The following GOLGA6L26 variants were observed in gnomAD, a reference collection of about 807,000 sequenced individuals.
The protein encoded by GOLGA6L26 is golgin A6 family like 26, also known as golgin subfamily A member 6-like protein 26.
At chr15:23,334,035 A>C in the GOLGA6L26 span, 5 of 375,120 alleles carry the variant, frequency 1.3e-5, no homozygotes, top group South Asian at 1.0e-4. Flanking sequence ...GGCCTCGGCC[A>C]ATTTGCTCTG....
At chr15:23,327,722 C>T in the GOLGA6L26 span, 4 of 68,316 alleles carry the variant, frequency 5.9e-5, no homozygotes, top group African/African-American at 6.6e-4. Context: ...CTCCTGCTCG[C>T]GTATCTTCTC....
At chr15:23,329,247 GC>G in the GOLGA6L26 span, 8 of 550,390 alleles carry the variant, frequency 1.5e-5, no homozygotes, top group East Asian at 3.5e-5. Context: ...CATGCTAAGG[GC>G]CCCCAGACCT....
the GOLGA6L26 span, chr15:23,329,403 GA>G: frequency 3.3e-4 from 118 of 356,130 alleles, 3 homozygotes; most frequent in Admixed American, 3.6e-3. Flanking sequence ...GGACGACCAG[GA>G]ACAACTGCTA....
the GOLGA6L26 span, chr15:23,327,078 T>A: frequency 3.8e-6 from 1 of 262,600 alleles, no homozygotes; most frequent in Non-Finnish European, 6.8e-6. Context: ...TCCCACATCT[T>A]CTCTTCCTGT....
chr15:23,327,238 C>G, the GOLGA6L26 span: 4 of 329,912 alleles, frequency 1.2e-5, no homozygotes, highest in Non-Finnish European at 2.1e-5. Flanking sequence ...CCTGTTCTTG[C>G]ATCTTCTCTT....
At chr15:23,327,326 T>C in the GOLGA6L26 span, 1 of 963,482 alleles carries the variant, frequency 1.0e-6, no homozygotes, top group East Asian at 2.7e-5. Context: ...CTCCCGTATC[T>C]TCTCCTCCTG....
At chr15:23,327,845 A>G in the GOLGA6L26 span, 1 of 21,118 alleles carries the variant, frequency 4.7e-5, no homozygotes, top group South Asian at 3.4e-4. Context: ...CAGCCTCCGC[A>G]TCTTCTCCTC....
chr15:23,327,692 G>A, the GOLGA6L26 span: 4 of 55,160 alleles, frequency 7.3e-5, no homozygotes, highest in East Asian at 5.7e-4. Flanking sequence ...CCACATCTTC[G>A]CCTCCTGCTC....
At chr15:23,328,515 TCAAA>T in the GOLGA6L26 span, among the ~76,000 whole-genome samples, 1 of 48,920 alleles carries the variant, frequency 2.0e-5, no homozygotes, top group African/African-American at 7.3e-5. Flanking sequence ...AGACTACTTC[TCAAA>T]TAAATAAATA....
chr15:23,333,489 TG>T, the GOLGA6L26 span, among the ~76,000 whole-genome samples: 5 of 50,472 alleles, frequency 9.9e-5, no homozygotes, highest in African/African-American at 3.5e-4. Context: ...GTGGAGTGGT[TG>T]GGGGGGACAC....
At chr15:23,326,952 TCTC>T in the GOLGA6L26 span, 2 of 258,930 alleles carry the variant, frequency 7.7e-6, no homozygotes, top group Non-Finnish European at 1.4e-5. Context: ...TCCTGCATCT[TCTC>T]CTCCTGCTGC....
At chr15:23,327,420 G>A in the GOLGA6L26 span, 6 of 467,338 alleles carry the variant, frequency 1.3e-5, 1 homozygote, top group Non-Finnish European at 2.2e-5. Context: ...TTCTCCTCCT[G>A]GTCGTGCATC....
chr15:23,327,480 G>T, the GOLGA6L26 span: 5 of 300,812 alleles, frequency 1.7e-5, 1 homozygote, highest in Non-Finnish European at 2.3e-5. Context: ...ATCTTCTCCT[G>T]CTCGTGCATC....
chr15:23,327,378 GC>G, the GOLGA6L26 span: 21 of 665,970 alleles, frequency 3.2e-5, 1 homozygote, highest in Middle Eastern at 4.1e-4. Flanking sequence ...TTCTCCTCCT[GC>G]CTCCACATCT....
the GOLGA6L26 span, chr15:23,326,986 C>A: frequency 3.6e-6 from 1 of 281,510 alleles, no homozygotes; most frequent in Non-Finnish European, 6.3e-6. Flanking sequence ...CTTCCTGCTC[C>A]CACATCTTCT....
At chr15:23,328,074 C>T in the GOLGA6L26 span, 1 of 2,068 alleles carries the variant, frequency 4.8e-4, no homozygotes, top group Non-Finnish European at 1.1e-3. Flanking sequence ...TTCCACAACT[C>T]GTTCTCTTCC....
chr15:23,333,956 TGGCAGCAGTTCGGCTGTCAGAGGG>T, the GOLGA6L26 span: 1 of 91,648 alleles, frequency 1.1e-5, no homozygotes, highest in South Asian at 4.0e-5. Context: ...GCACAGACTC[TGGCAGCAGTTCGGCTGTCAGAGGG>T]GGCCTCGGGT....
the GOLGA6L26 span, chr15:23,327,363 T>G: frequency 0.012 from 7,083 of 580,946 alleles, 972 homozygotes; most frequent in South Asian, 0.031. Flanking sequence ...TCCTGCTCCC[T>G]TATCTTCTCC....
chr15:23,327,354 C>T, the GOLGA6L26 span: 77 of 894,996 alleles, frequency 8.6e-5, 1 homozygote, highest in East Asian at 7.3e-4. Context: ...ATCTTCTCCT[C>T]CTGCTCCCTT....
Sources: allele counts gnomAD v4.1 joint callset (sites outside exome capture counted in the v4.1 genomes callset), GRCh38; gene constraint gnomAD v4.1.1; transcripts MANE v1.5; gene names NCBI Gene and HGNC (gene_info 2026-07-23, HGNC 2026-07-21).